The following SGCZ variants were observed in gnomAD, a reference collection of about 807,000 sequenced individuals.
SGCZ encodes the protein sarcoglycan zeta.
SGCZ carries 40 observed loss-of-function variants against 41.3 expected under a neutral mutation model. The ratio of observed to expected loss-of-function variants is 0.97; its 90% confidence interval spans 0.75 to 1.26. The LOEUF is 1.26. SGCZ is among the 50% of genes most tolerant of loss of function. The pLI is 0.00. For synonymous variants in SGCZ, 206 were observed against 137.5 expected, an observed-to-expected ratio of 1.50 and a Z score of -3.49; for missense variants, 552 against 369.8, an observed-to-expected ratio of 1.49 and a Z score of -4.04.
intron 3 of SGCZ, among the ~76,000 whole-genome samples, chr8:14,271,704 T>C (rs1199808107): frequency 6.6e-6 from 1 of 152,200 alleles, no homozygotes; most frequent in Admixed American, 6.5e-5. Context: ...CTGGGGTTTT[T>C]ATATCCTGAC....
intron 4 of SGCZ, among the ~76,000 whole-genome samples, chr8:14,174,863 G>C (rs564352019): frequency 5.3e-5 from 8 of 152,200 alleles, no homozygotes; most frequent in South Asian, 4.1e-4. Context: ...CTGAGAAAAG[G>C]ATTTGTTCTG....
chr8:14,917,498 A>C (rs1799470223), intron 1 of SGCZ, among the ~76,000 whole-genome samples: 2 of 152,114 alleles, frequency 1.3e-5, no homozygotes, highest in Non-Finnish European at 2.9e-5. Flanking sequence ...CTAGTAATAT[A>C]ACACTGCAAT....
chr8:15,171,679 G>C (rs1799834261), intron 1 of SGCZ, among the ~76,000 whole-genome samples: 1 of 152,142 alleles, frequency 6.6e-6, no homozygotes, highest in Non-Finnish European at 1.5e-5. Flanking sequence ...AATCTTATTA[G>C]CATGTGAGCC....
At chr8:15,170,907 G>C (rs1448886090) in intron 1 of SGCZ, among the ~76,000 whole-genome samples, 1 of 152,142 alleles carries the variant, frequency 6.6e-6, no homozygotes, top group African/African-American at 2.4e-5. Context: ...GTGTAATCCA[G>C]TGAAATGTTT....
At chr8:14,103,027 C>G (rs1329281975) in intron 6 of SGCZ, among the ~76,000 whole-genome samples, 1 of 152,128 alleles carries the variant, frequency 6.6e-6, no homozygotes, top group East Asian at 1.9e-4. Flanking sequence ...GAACTTGACA[C>G]CTCTAGAAAC....
At chr8:14,881,643 C>T (rs906567754) in intron 1 of SGCZ, among the ~76,000 whole-genome samples, 3 of 152,112 alleles carry the variant, frequency 2.0e-5, no homozygotes, top group Non-Finnish European at 2.9e-5. Flanking sequence ...GAGACTTTAA[C>T]ACCCCACTGA....
At chr8:14,397,180 G>C (rs976155770) in intron 2 of SGCZ, among the ~76,000 whole-genome samples, 1 of 152,018 alleles carries the variant, frequency 6.6e-6, no homozygotes, top group African/African-American at 2.4e-5. Flanking sequence ...ACTTCACCTT[G>C]AGAGATGTTT....
At chr8:14,265,219 A>T (rs1799829656) in intron 3 of SGCZ, among the ~76,000 whole-genome samples, 1 of 152,192 alleles carries the variant, frequency 6.6e-6, no homozygotes, top group South Asian at 2.1e-4. Context: ...AATACCAGTC[A>T]TTGGCACTCA....
chr8:14,272,056 T>C (rs1361349388), intron 3 of SGCZ, among the ~76,000 whole-genome samples: 1 of 152,128 alleles, frequency 6.6e-6, no homozygotes, highest in Non-Finnish European at 1.5e-5. Context: ...CATGCTGGAG[T>C]TCAGTGGCAC....
intron 3 of SGCZ, among the ~76,000 whole-genome samples, chr8:14,242,465 C>G (rs564397619): frequency 6.6e-6 from 1 of 152,288 alleles, no homozygotes; most frequent in South Asian, 2.1e-4. Flanking sequence ...CAAATGCTGA[C>G]TTCCAAGTTA....
chr8:14,940,372 T>C (rs928658574), intron 1 of SGCZ, among the ~76,000 whole-genome samples: 2 of 152,116 alleles, frequency 1.3e-5, no homozygotes, highest in Admixed American at 6.6e-5. Flanking sequence ...TAAAAGCCAA[T>C]GATCTAAATA....
chr8:14,695,094 A>C (rs1451954867), intron 1 of SGCZ, among the ~76,000 whole-genome samples: 1 of 152,158 alleles, frequency 6.6e-6, no homozygotes, highest in East Asian at 1.9e-4. Context: ...TGTCCAAAGA[A>C]AATTGATGCT....
At chr8:14,334,872 A>C (rs17297794) in intron 2 of SGCZ, among the ~76,000 whole-genome samples, 1 of 152,266 alleles carries the variant, frequency 6.6e-6, no homozygotes, top group Admixed American at 6.5e-5. Context: ...TACATTCATT[A>C]TACAGAAGTA....
At chr8:14,817,057 T>G (rs1047504867) in intron 1 of SGCZ, among the ~76,000 whole-genome samples, 1 of 152,208 alleles carries the variant, frequency 6.6e-6, no homozygotes, top group East Asian at 1.9e-4. Flanking sequence ...TTTCATGATC[T>G]ATAGAGATAG....
At chr8:14,317,217 G>C (rs1231500313) in intron 3 of SGCZ, among the ~76,000 whole-genome samples, 2 of 151,958 alleles carry the variant, frequency 1.3e-5, no homozygotes, top group African/African-American at 4.8e-5. Flanking sequence ...AATATTCCTT[G>C]AGTTGGCCAC....
At chr8:15,030,834 AG>A (rs1319443018) in intron 1 of SGCZ, among the ~76,000 whole-genome samples, 1 of 152,168 alleles carries the variant, frequency 6.6e-6, no homozygotes, top group Non-Finnish European at 1.5e-5. Context: ...TCCCAGAAGA[AG>A]GGCTATTTGA....
rs1803836453 is a variant in SGCZ, at chr8:14,551,524, A to AATATATATT, written c.234+3207_234+3208insAATATATAT. ...TATATATATTATATATATTATATATAATATATATAATATATATAATATATA... is the reference window on the plus strand; with the variant it reads ...TATATATATTATATATATTATATATAATATATATTATATATATAATATATATAATATATA... On this transcript the variant is annotated intron_variant, in intron 2 of 7. Coordinates refer to ENST00000382080, the MANE Select transcript of SGCZ (RefSeq NM_139167.4). Among the ~76,000 whole-genome samples the AATATATATT allele has an allele frequency of 4.7e-3, 47 of 9,936 alleles. 2 individuals are homozygous for AATATATATT. The highest frequency in any genetic ancestry group is 6.8e-3 in the South Asian group (3 of 438). The allele number at this position is 9,936 out of a possible 152,430, so 6.5% of individuals were successfully genotyped here.
intron 1 of SGCZ, among the ~76,000 whole-genome samples, chr8:14,643,820 G>A (rs575460738): frequency 6.6e-6 from 1 of 151,746 alleles, no homozygotes; most frequent in Admixed American, 6.6e-5. Flanking sequence ...CCTCTATCAT[G>A]AGTCACAGAA....
intron 1 of SGCZ, among the ~76,000 whole-genome samples, chr8:15,226,977 G>T (rs570277342): frequency 2.6e-5 from 4 of 152,116 alleles, no homozygotes; most frequent in Non-Finnish European, 4.4e-5. Context: ...AAGAACATAC[G>T]ACAGGAGGGG....
Sources: gnomAD v4.1 joint callset for allele counts (sites outside exome capture counted in the v4.1 genomes callset) on GRCh38, gnomAD v4.1.1 for gene constraint, MANE v1.5 for transcripts, NCBI Gene and HGNC (gene_info 2026-07-23, HGNC 2026-07-21) for gene names.